The following CACNG3 variants were observed in gnomAD, a reference collection of about 807,000 sequenced individuals.
CACNG3 encodes calcium voltage-gated channel auxiliary subunit gamma 3.
A neutral mutation model predicts 28.5 loss-of-function variants in CACNG3; 3 were observed. The ratio of observed to expected loss-of-function variants is 0.11; its 90% CI spans 0.05 to 0.27. The LOEUF (loss-of-function observed/expected upper bound fraction) is 0.27, where lower values mean the gene tolerates loss of function less well. CACNG3 is among the 10% of genes least tolerant of loss of function. The pLI, the probability that CACNG3 is intolerant of heterozygous loss-of-function variation, is 1.00. For synonymous variants in CACNG3, 174 were observed against 162.2 expected, an observed-to-expected ratio of 1.07 and a Z score of -0.55; for missense variants, 236 against 414.4, an observed-to-expected ratio of 0.57 and a Z score of 3.74.
intron 1 of CACNG3, among the ~76,000 whole-genome samples, chr16:24,295,281 C>T (rs1048497025): frequency 6.6e-6 from 1 of 152,128 alleles, no homozygotes; most frequent in African/African-American, 2.4e-5. Flanking sequence ...GAGATGCCAG[C>T]TTCAGAATGG....
chr16:24,356,327 G>A (rs1567226575), intron 3 of CACNG3, among the ~76,000 whole-genome samples: 2 of 152,136 alleles, frequency 1.3e-5, no homozygotes, highest in Non-Finnish European at 2.9e-5. Flanking sequence ...TTTCAATCCT[G>A]GATCCACCAA....
At chr16:24,300,074 C>T (rs1451325037) in intron 1 of CACNG3, among the ~76,000 whole-genome samples, 1 of 152,184 alleles carries the variant, frequency 6.6e-6, no homozygotes, top group Non-Finnish European at 1.5e-5. Context: ...AAATCACCCA[C>T]TTTGATAACC....
intron 1 of CACNG3, among the ~76,000 whole-genome samples, chr16:24,316,778 C>T (rs945086178): frequency 1.3e-5 from 2 of 152,176 alleles, no homozygotes; most frequent in East Asian, 1.9e-4. Flanking sequence ...TCTGGCTTCC[C>T]CCAAGTTCCT....
chr16:24,360,013 G>T lies in CACNG3; in HGVS notation c.437-1339G>T, dbSNP rs925330415. ...TTGCTGGACTGTAGGGAGATCTTGG[G>T]GATGCCCACAAAGAGTACGGAACAT... On this transcript the variant is annotated intron_variant, in intron 3 of 3. Transcript: ENST00000005284. 7.9e-5 allele frequency among the ~76,000 whole-genome samples: 12 copies of T among 152,172 alleles called. No individual in the cohort carries two copies. The East Asian group carries it at 1.2e-3, about 15-fold the overall frequency.
intron 2 of CACNG3, among the ~76,000 whole-genome samples, chr16:24,352,788 C>T (rs1567225717): frequency 1.3e-5 from 2 of 152,164 alleles, no homozygotes; most frequent in Non-Finnish European, 2.9e-5. Context: ...GTTCCTCCCG[C>T]CTCAGCCTCC....
intron 1 of CACNG3, among the ~76,000 whole-genome samples, chr16:24,296,519 C>T (rs1467937141): frequency 7.1e-6 from 1 of 141,504 alleles, no homozygotes; most frequent in Admixed American, 7.3e-5. Flanking sequence ...CTGAACCATT[C>T]TCTGGAGAGG....
At chr16:24,283,744 T>C (rs1474148734) in intron 1 of CACNG3, among the ~76,000 whole-genome samples, 2 of 152,212 alleles carry the variant, frequency 1.3e-5, no homozygotes, top group Non-Finnish European at 2.9e-5. Flanking sequence ...GGATATCTCA[T>C]GAACAGTGTT....
intron 1 of CACNG3, among the ~76,000 whole-genome samples, chr16:24,326,681 C>A (rs748358354): frequency 2.0e-5 from 3 of 152,270 alleles, no homozygotes; most frequent in Non-Finnish European, 2.9e-5. Flanking sequence ...GAATCACATG[C>A]CCACTTCTGA....
At chr16:24,274,660 T>C (rs1206727998) in intron 1 of CACNG3, among the ~76,000 whole-genome samples, 1 of 152,156 alleles carries the variant, frequency 6.6e-6, no homozygotes, top group African/African-American at 2.4e-5. Context: ...CCTGACTTCA[T>C]ACTGGTTGAT....
At chr16:24,263,355 C>T (rs559160943) in intron 1 of CACNG3, among the ~76,000 whole-genome samples, 14 of 152,142 alleles carry the variant, frequency 9.2e-5, no homozygotes, top group Admixed American at 4.6e-4. Flanking sequence ...CAAAACTTGA[C>T]ATGAGCTATG....
At position 24,256,859 on chromosome 16, in the gene CACNG3, T is replaced by C; in HGVS notation, c.105T>C (p.Tyr35=). 6.2e-7 allele frequency: 1 copy of C among 1,613,622 alleles called. No individual in the cohort carries two copies. Among genetic ancestry groups the C allele is most frequent in the Non-Finnish European group, 8.5e-7 (1 of 1,179,464 alleles). Residue 35 remains tyrosine (Y), a synonymous_variant, in exon 1 of 4, where the codon TAT becomes TAC. Transcript: ENST00000005284. This position sits in a 1 kb window ranked among gnomAD's most constrained non-coding sequence, Gnocchi z 4.6. The stretch of plus-strand genomic sequence containing the variant: ...CAGTGGGCACGGACTACTGGTTATA[T>C]TCCAGAGGTGTGTGCAGGACTAAAT... ...TIAVGTDYWL[Y]SRGVCRTKST... is the part of the protein sequence containing the mutation.
intron 1 of CACNG3, among the ~76,000 whole-genome samples, chr16:24,295,540 C>T (rs778741300): frequency 5.3e-5 from 8 of 152,092 alleles, no homozygotes; most frequent in Admixed American, 2.0e-4. Context: ...TGCATTAACT[C>T]ATGTAATCCT....
Position 24,258,867 on chromosome 16 carries a change from A to G in CACNG3, c.211+1902A>G, listed in dbSNP as rs148902226. Among the ~76,000 whole-genome samples the G allele has an allele frequency of 4.3e-4, 65 of 152,356 alleles. No individual in the cohort carries two copies. The East Asian group carries it at 0.011, about 25-fold the overall frequency. On this transcript the variant is annotated intron_variant, in intron 1 of 3. Transcript: ENST00000005284. ...AATGCACAATTAAAAATGAAGTTTG[A>G]CGTTCCTCATTATGATCTATGAAAA... is the stretch of plus-strand genomic sequence containing the variant.
At chr16:24,260,754 C>T (rs754919701) in intron 1 of CACNG3, among the ~76,000 whole-genome samples, 3 of 152,218 alleles carry the variant, frequency 2.0e-5, no homozygotes, top group African/African-American at 4.8e-5. Context: ...GCAAAGGACA[C>T]GCTTTGCATG....
intron 1 of CACNG3, among the ~76,000 whole-genome samples, chr16:24,303,184 C>A (rs1899137364): frequency 6.6e-6 from 1 of 152,098 alleles, no homozygotes; most frequent in Admixed American, 6.5e-5. Context: ...CCCTCTCCAG[C>A]CTCATTTCAG....
intron 1 of CACNG3, among the ~76,000 whole-genome samples, chr16:24,291,679 C>T (rs925194651): frequency 3.3e-5 from 5 of 152,070 alleles, no homozygotes; most frequent in Non-Finnish European, 7.4e-5. Context: ...GACCTCCTTC[C>T]CCCACTTACT....
At chr16:24,314,522 C>T (rs1327745246) in intron 1 of CACNG3, among the ~76,000 whole-genome samples, 1 of 152,172 alleles carries the variant, frequency 6.6e-6, no homozygotes, top group African/African-American at 2.4e-5. Flanking sequence ...GTGGATGAAT[C>T]TGGACAGCAG....
intron 1 of CACNG3, among the ~76,000 whole-genome samples, chr16:24,279,196 A>T (rs1318316079): frequency 1.3e-5 from 2 of 152,228 alleles, no homozygotes; most frequent in African/African-American, 2.4e-5. Flanking sequence ...GAAAGATTAA[A>T]ATAGAAAATT....
chr16:24,260,877 C>T (rs567056648), intron 1 of CACNG3, among the ~76,000 whole-genome samples: 5 of 152,274 alleles, frequency 3.3e-5, no homozygotes, highest in East Asian at 3.9e-4. Context: ...TAACCTGCTG[C>T]GTGTTATCAA....
Sources: gnomAD v4.1 joint callset for allele counts (sites outside exome capture counted in the v4.1 genomes callset) on GRCh38, gnomAD v4.1.1 for gene constraint, Gnocchi (gnomAD v3.1) non-coding constraint, MANE v1.5 for transcripts, NCBI Gene and HGNC (gene_info 2026-07-23, HGNC 2026-07-21) for gene names.